The following CYTH1 variants were observed in gnomAD, a reference collection of about 807,000 sequenced individuals.
CYTH1 encodes the protein cytohesin 1, also known as cytohesin-1.
Under a neutral mutation model 61.8 loss-of-function variants are expected in CYTH1, and 18 were observed. That is an observed-to-expected ratio of 0.29 (90% CI 0.20 to 0.43). The LOEUF (loss-of-function observed/expected upper bound fraction) is 0.43, where lower values mean the gene tolerates loss of function less well. Ranked by LOEUF, CYTH1 falls within the 20% of genes least tolerant of loss-of-function variation. CYTH1 has a pLI of 1.00. For synonymous variants in CYTH1, 174 were observed against 184.3 expected, an observed-to-expected ratio of 0.94 and a Z score of 0.45; for missense variants, 336 against 510.5, an observed-to-expected ratio of 0.66 and a Z score of 3.29.
At chr17:78,777,816 C>T (rs2093498847) in intron 1 of CYTH1, among the ~76,000 whole-genome samples, 2 of 147,058 alleles carry the variant, frequency 1.4e-5, no homozygotes, top group African/African-American at 2.5e-5. Flanking sequence ...GAAACCCCAT[C>T]TCTATTAAAA....
At chr17:78,690,023 T>C (rs1041744104) in intron 11 of CYTH1, among the ~76,000 whole-genome samples, 9 of 151,838 alleles carry the variant, frequency 5.9e-5, no homozygotes, top group African/African-American at 2.2e-4. Context: ...CCCTGCTTGG[T>C]TGCTATTTTT....
intron 1 of CYTH1, among the ~76,000 whole-genome samples, chr17:78,742,640 G>A (rs754435513): frequency 1.3e-5 from 2 of 152,074 alleles, no homozygotes; most frequent in Non-Finnish European, 2.9e-5. Context: ...ATCACTTGAA[G>A]TCAGGAGTTT....
intron 1 of CYTH1, among the ~76,000 whole-genome samples, chr17:78,740,548 C>T (rs1436398349): frequency 6.6e-6 from 1 of 152,236 alleles, no homozygotes; most frequent in Non-Finnish European, 1.5e-5. Context: ...CATGGCAAGG[C>T]ATACCTGGCT....
chr17:78,730,815 C>G (rs1484588565), intron 1 of CYTH1, among the ~76,000 whole-genome samples: 2 of 151,848 alleles, frequency 1.3e-5, no homozygotes, highest in Non-Finnish European at 2.9e-5. Flanking sequence ...CAGGCGCCCG[C>G]CACCACGCCC....
intron 12 of CYTH1, among the ~76,000 whole-genome samples, chr17:78,680,548 C>T (rs560342849): frequency 1.2e-4 from 18 of 152,132 alleles, no homozygotes; most frequent in Non-Finnish European, 1.8e-4. Context: ...GCAAACACAC[C>T]GGCCTGATAT....
intron 1 of CYTH1, 57 bp downstream of exon 1, chr17:78,782,145 C>A: frequency 1.6e-6 from 2 of 1,274,606 alleles, no homozygotes; most frequent in Non-Finnish European, 2.0e-6. Flanking sequence ...GACGGCCGGG[C>A]CCGGAGGGGA....
rs750577717 is a variant in CYTH1 at position 78,676,099 on chromosome 17, G to A, written c.1189C>T (p.Arg397Ter). 2 of 1,608,738 alleles carry A rather than the reference G, an allele frequency of 1.2e-6. No individual in the cohort carries two copies. Among genetic ancestry groups the A allele is most frequent in the African/African-American group, 1.3e-5 (1 of 75,012 alleles). The change falls in exon 14 of 14, where the codon CGA becomes TGA. Residue 397 changes from arginine to a stop codon, truncating the protein, a stop_gained. Coordinates refer to ENST00000446868, the MANE Select transcript of CYTH1 (RefSeq NM_004762.6). LOFTEE classifies it high-confidence loss of function. ...CGCCCTTGGCTGCACGCTCAGTGTC[G>A]CTTCGTGGAGGAGACCTTCTTTTTC... ...ARKKKVSSTK[R>*]H
Position 78,728,804 on chromosome 17 carries a change from A to G in CYTH1, c.23-19072T>C, listed in dbSNP as rs60231464. On this transcript the variant is annotated intron_variant, in intron 1 of 13. Coordinates refer to ENST00000446868, the MANE Select transcript of CYTH1 (RefSeq NM_004762.6). ...CACACACGTAGCACTTTGAATCGGT[A>G]AAGAAAAATAGGATTATTCAGTCAA... Among the ~76,000 whole-genome samples the G allele has an allele frequency of 4.4e-3, 673 of 152,336 alleles. 3 individuals are homozygous for G. The highest frequency in any genetic ancestry group is 0.015 in the African/African-American group (621 of 41,578).
rs528530272 is a variant in CYTH1, at chr17:78,779,260, C to T, written c.22+2942G>A. Among the ~76,000 whole-genome samples, 200 of 152,006 alleles carry T rather than the reference C, an allele frequency of 1.3e-3. 1 individual carries two copies. Among genetic ancestry groups the T allele is most frequent in the African/African-American group, 4.4e-3 (182 of 41,462 alleles). ...TACTAAAAATACAAAATTAGCCAGG[C>T]GTGGTGGCGCATGCCTGTAATCCCA... On this transcript the variant is annotated intron_variant, in intron 1 of 13. Transcript: ENST00000446868.
At chr17:78,761,867 A>G (rs1480928812) in intron 1 of CYTH1, among the ~76,000 whole-genome samples, 1 of 152,250 alleles carries the variant, frequency 6.6e-6, no homozygotes, top group Non-Finnish European at 1.5e-5. Flanking sequence ...GGAAAGGGAA[A>G]GAACAGTAGT....
At chr17:78,676,556 G>A (rs986559857) in intron 13 of CYTH1, 12 of 283,154 alleles carry the variant, frequency 4.2e-5, no homozygotes, top group African/African-American at 1.3e-4. Flanking sequence ...TAATCAAGCC[G>A]TGTCACATGC....
Position 78,733,476 on chromosome 17 carries a change from A to T in CYTH1, c.23-23744T>A, listed in dbSNP as rs374326058. Among the ~76,000 whole-genome samples, 12 of 152,298 alleles carry T rather than the reference A, an allele frequency of 7.9e-5. 4 individuals are homozygous for T. The highest frequency in any genetic ancestry group is 6.5e-5 in the Admixed American group (1 of 15,304). On this transcript the variant is annotated intron_variant, in intron 1 of 13. Transcript: ENST00000446868. ...AGCTCTTTTTTTTTTCTCTTACTGA[A>T]ATACACAGATTCACTTCAGCTCAGC...
chr17:78,729,153 G>C (rs1352004809), intron 1 of CYTH1, among the ~76,000 whole-genome samples: 1 of 152,010 alleles, frequency 6.6e-6, no homozygotes, highest in Non-Finnish European at 1.5e-5. Flanking sequence ...CTGTACCCAG[G>C]CTGGAGTGCA....
chr17:78,691,163 C>G (rs1487774673), intron 11 of CYTH1: 1 of 152,228 alleles, frequency 6.6e-6, no homozygotes, highest in Non-Finnish European at 1.5e-5. Context: ...ACTTGCAGGG[C>G]ATGAGCTGAG....
chr17:78,703,795 T>C (rs1598853738), intron 3 of CYTH1, among the ~76,000 whole-genome samples: 1 of 152,316 alleles, frequency 6.6e-6, no homozygotes, highest in South Asian at 2.1e-4. Context: ...TCATCTTCCA[T>C]GGTATGGATA....
chr17:78,684,323 G>T (rs185048912), intron 11 of CYTH1, among the ~76,000 whole-genome samples: 1 of 152,336 alleles, frequency 6.6e-6, no homozygotes, highest in East Asian at 1.9e-4. Flanking sequence ...ACCACTGATG[G>T]AAACAACTAA....
At chr17:78,751,833 G>A (rs993418546) in intron 1 of CYTH1, among the ~76,000 whole-genome samples, 6 of 152,014 alleles carry the variant, frequency 3.9e-5, no homozygotes, top group African/African-American at 1.2e-4. Context: ...GTTTTGAGAC[G>A]GAGTCTCACT....
intron 1 of CYTH1, among the ~76,000 whole-genome samples, chr17:78,728,582 A>T (rs2093278200): frequency 6.6e-6 from 1 of 152,148 alleles, no homozygotes; most frequent in South Asian, 2.1e-4. Flanking sequence ...TACCAACATG[A>T]TGTTTACAGA....
At chr17:78,715,699 C>G (rs993524980) in intron 1 of CYTH1, among the ~76,000 whole-genome samples, 11 of 152,172 alleles carry the variant, frequency 7.2e-5, no homozygotes, top group Non-Finnish European at 1.6e-4. Context: ...AACATGCCCC[C>G]CGAGTGGTGT....
Sources: allele counts gnomAD v4.1 joint callset (sites outside exome capture counted in the v4.1 genomes callset), GRCh38; gene constraint gnomAD v4.1.1; transcripts MANE v1.5; gene names NCBI Gene and HGNC (gene_info 2026-07-23, HGNC 2026-07-21).